HIVEP3: variants seen among roughly 807,000 people sequenced by gnomAD.
HIVEP3 encodes the protein HIVEP zinc finger 3.
A neutral mutation model predicts 152.8 loss-of-function variants in HIVEP3; 49 were observed. That is an observed-to-expected ratio of 0.32 (90% CI 0.26 to 0.41). HIVEP3 has a LOEUF of 0.41. Ranked by LOEUF, HIVEP3 falls within the 10% of genes least tolerant of loss-of-function variation. The pLI is 1.00. For synonymous variants in HIVEP3, 1,269 were observed against 1,289.0 expected (o/e 0.98, Z 0.33); for missense variants, 2,790 against 3,103.3 (o/e 0.90, Z 2.40).
intron 1 of HIVEP3, among the ~76,000 whole-genome samples, chr1:41,845,372 T>C (rs1390163417): frequency 6.6e-6 from 1 of 151,152 alleles, no homozygotes; most frequent in East Asian, 1.9e-4. Context: ...CTTCACTGTC[T>C]CCATCAGCAA....
chr1:41,674,403 T>C (rs773571060), intron 2 of HIVEP3, among the ~76,000 whole-genome samples: 30 of 152,256 alleles, frequency 2.0e-4, no homozygotes, highest in Non-Finnish European at 2.9e-5. Context: ...GTGGCATTCA[T>C]GCTTACAGCC....
At position 41,945,747 on chromosome 1, in the gene HIVEP3, C is replaced by T. The variant is rs1000053951; in HGVS notation, n.120-27223G>A. Among the ~76,000 whole-genome samples, 15 of 152,156 alleles carry T rather than the reference C, an allele frequency of 9.9e-5. 1 individual carries two copies. The highest frequency in any genetic ancestry group is 3.1e-4 in the African/African-American group (13 of 41,440). On this transcript the variant is annotated intron_variant and non_coding_transcript_variant, in intron 1 of 3. Coordinates refer to the HIVEP3 transcript ENST00000489103. The stretch of plus-strand genomic sequence containing the variant: ...ACTAGGAAGAAGCCCATGAATTATT[C>T]AATGATGTCCACTATAATACATGGA...
intron 1 of HIVEP3, among the ~76,000 whole-genome samples, chr1:41,708,727 G>A (rs1646470044): frequency 6.6e-6 from 1 of 152,194 alleles, no homozygotes; most frequent in Non-Finnish European, 1.5e-5. Flanking sequence ...TGGTTTCTGA[G>A]AGGAACAAGT....
intron 1 of HIVEP3, among the ~76,000 whole-genome samples, chr1:41,818,664 C>T (rs984341548): frequency 4.9e-4 from 74 of 152,106 alleles, no homozygotes; most frequent in African/African-American, 7.5e-4. Flanking sequence ...CGAATGAAAA[C>T]GAACCCAGTC....
chr1:41,512,371 C>G (rs1452054978), intron 8 of HIVEP3, among the ~76,000 whole-genome samples: 1 of 152,168 alleles, frequency 6.6e-6, no homozygotes, highest in Non-Finnish European at 1.5e-5. Context: ...TGTGAGATGC[C>G]TGTTCCCGCT....
intron 3 of HIVEP3, among the ~76,000 whole-genome samples, chr1:41,599,252 C>A (rs749030000): frequency 1.3e-5 from 2 of 151,936 alleles, no homozygotes; most frequent in Non-Finnish European, 2.9e-5. Flanking sequence ...ACACAGAAAA[C>A]GAATGTGAAA....
At chr1:41,903,254 C>T (rs1363985870) in intron 1 of HIVEP3, among the ~76,000 whole-genome samples, 1 of 152,210 alleles carries the variant, frequency 6.6e-6, no homozygotes, top group Non-Finnish European at 1.5e-5. Context: ...AAGGCAAAAA[C>T]AGATCTATGG....
At chr1:41,972,757 C>T (rs1271231375) in intron 1 of HIVEP3, among the ~76,000 whole-genome samples, 1 of 152,142 alleles carries the variant, frequency 6.6e-6, no homozygotes, top group Admixed American at 6.5e-5. Context: ...TTCTTGACAT[C>T]TTCACATCCA....
intron 1 of HIVEP3, among the ~76,000 whole-genome samples, chr1:41,869,891 T>C (rs1219343518): frequency 1.3e-5 from 2 of 152,220 alleles, no homozygotes; most frequent in Non-Finnish European, 2.9e-5. Flanking sequence ...GACATTGAAA[T>C]GTGTTCCTCT....
At chr1:41,558,213 T>A (rs559806242) in intron 5 of HIVEP3, among the ~76,000 whole-genome samples, 1 of 152,294 alleles carries the variant, frequency 6.6e-6, no homozygotes, top group African/African-American at 2.4e-5. Context: ...CCAGGCAGCA[T>A]TGGGAACATT....
chr1:41,902,903 A>C (rs1349194966), intron 1 of HIVEP3, among the ~76,000 whole-genome samples: 1 of 152,222 alleles, frequency 6.6e-6, no homozygotes, highest in Non-Finnish European at 1.5e-5. Context: ...TTCTTGGACA[A>C]CTATAGGGTG....
At position 41,582,286 on chromosome 1, in the gene HIVEP3, G is replaced by A. The variant is rs147650565; in HGVS notation, c.2512C>T (p.Arg838Cys). ...TTAGGCTGCAGGGAGTGAGCAGAGC[G>A]TCCGTGTGGGGCAGGTGGGGGTGAT... is the stretch of plus-strand genomic sequence containing the variant. ...FPSPPPAPHG[R>C]SAHSLQPKLV... is the part of the protein sequence containing the mutation. The change falls in exon 4 of 9, where the codon CGC becomes TGC. Residue 838 changes from arginine to cysteine, a missense_variant. Transcript: ENST00000372583. The surrounding 1 kb of genome is among the most constrained non-coding windows in gnomAD (Gnocchi z 4.7). 3.2e-4 allele frequency: 523 copies of A among 1,614,108 alleles called. 2 individuals are homozygous for A. In the African/African-American group the frequency reaches 4.8e-3, roughly 15 times the overall value.
chr1:41,915,572 C>T (rs1644858573), intron 1 of HIVEP3, among the ~76,000 whole-genome samples: 1 of 152,174 alleles, frequency 6.6e-6, no homozygotes, highest in Admixed American at 6.5e-5. Context: ...GATCAAAATT[C>T]ATAAACTGTA....
At chr1:41,920,682 G>A (rs911062297), upstream of HIVEP3, among the ~76,000 whole-genome samples, 1 of 151,918 alleles carries the variant, frequency 6.6e-6, no homozygotes, top group African/African-American at 2.4e-5. Flanking sequence ...ATGTCACAGG[G>A]CTGTCCGATA....
At chr1:41,607,560 T>C (rs1027949141) in intron 3 of HIVEP3, among the ~76,000 whole-genome samples, 1 of 152,242 alleles carries the variant, frequency 6.6e-6, no homozygotes, top group African/African-American at 2.4e-5. Context: ...GGCTTTCTTA[T>C]ATTCAAACTG....
chr1:42,013,330 T>C (rs149358949), intron 1 of HIVEP3, among the ~76,000 whole-genome samples: 65 of 152,334 alleles, frequency 4.3e-4, no homozygotes, highest in African/African-American at 1.5e-3. Flanking sequence ...TCTGAGATAC[T>C]AGAAGTTAAG....
In HIVEP3 at chr1:41,663,246, A is replaced by C. The variant is rs552050942; in HGVS notation, c.-720-34299T>G. On this transcript the variant is annotated intron_variant, in intron 2 of 8. Transcript: ENST00000372583. ...AGAGGTCAACCCTCTGCCACAGTGG[A>C]ACCAGGGCTGGCCCTGGGTTTGGCT... Among the ~76,000 whole-genome samples, 3 of 152,322 alleles carry C rather than the reference A, an allele frequency of 2.0e-5. No homozygotes were observed. In the South Asian group the frequency reaches 6.2e-4, roughly 32 times the overall value.
chr1:41,717,645 C>G (rs1279551579), intron 1 of HIVEP3, among the ~76,000 whole-genome samples: 1 of 152,146 alleles, frequency 6.6e-6, no homozygotes, highest in Non-Finnish European at 1.5e-5. Context: ...TTCTCTGACT[C>G]CTTGTCTAGT....
intron 5 of HIVEP3, among the ~76,000 whole-genome samples, chr1:41,540,967 A>T (rs1223546377): frequency 1.3e-5 from 2 of 152,204 alleles, no homozygotes; most frequent in Non-Finnish European, 2.9e-5. Flanking sequence ...TGCTCCAGAC[A>T]TAAACAGCCA....
Sources: allele counts gnomAD v4.1 joint callset (sites outside exome capture counted in the v4.1 genomes callset), GRCh38; gene constraint gnomAD v4.1.1; non-coding constraint Gnocchi (gnomAD v3.1); transcripts MANE v1.5; gene names NCBI Gene and HGNC (gene_info 2026-07-23, HGNC 2026-07-21).